MAST4: variants seen among roughly 807,000 people sequenced by gnomAD.
The protein encoded by MAST4 is microtubule-associated serine/threonine-protein kinase 4.
Under a neutral mutation model 162.7 loss-of-function variants are expected in MAST4, and 89 were observed. The observed-to-expected ratio is 0.55, with a 90% CI of 0.46 to 0.65. MAST4 has a LOEUF of 0.65. Ranked by LOEUF, MAST4 falls within the 30% of genes least tolerant of loss-of-function variation. The pLI is 0.00. For missense variants in MAST4, 3,153 were observed against 3,374.0 expected (o/e 0.93, Z 1.62); for synonymous variants, 1,479 against 1,361.1 (o/e 1.09, Z -1.91).
chr5:67,059,497 A>G (rs966095478), intron 5 of MAST4, among the ~76,000 whole-genome samples: 15 of 152,218 alleles, frequency 9.9e-5, no homozygotes, highest in Non-Finnish European at 2.1e-4. Context: ...TTTGATTTAA[A>G]TGAGTAAAAG....
chr5:67,149,051 A>G (rs1390190998), intron 23 of MAST4, among the ~76,000 whole-genome samples: 1 of 152,078 alleles, frequency 6.6e-6, no homozygotes, highest in Non-Finnish European at 1.5e-5. Context: ...TGGGGGGGGT[A>G]GGGGCACCAG....
At chr5:66,661,036 T>C (rs1228197829) in intron 1 of MAST4, among the ~76,000 whole-genome samples, 1 of 152,186 alleles carries the variant, frequency 6.6e-6, no homozygotes, top group Non-Finnish European at 1.5e-5. Context: ...TATGCTGAGT[T>C]AATAAGTTTT....
chr5:66,905,419 T>C (rs1398390372), intron 4 of MAST4, among the ~76,000 whole-genome samples: 1 of 152,146 alleles, frequency 6.6e-6, no homozygotes, highest in Non-Finnish European at 1.5e-5. Flanking sequence ...GCTGAGGGAT[T>C]GCTGAGAGCA....
intron 3 of MAST4, among the ~76,000 whole-genome samples, chr5:66,809,552 C>T (rs1756374254): frequency 6.6e-6 from 1 of 152,036 alleles, no homozygotes; most frequent in Non-Finnish European, 1.5e-5. Context: ...AAAGGTAGCC[C>T]ACAGGGTTGT....
At chr5:66,958,817 G>A (rs955716822) in intron 4 of MAST4, 3 of 164,256 alleles carry the variant, frequency 1.8e-5, no homozygotes, top group South Asian at 3.5e-4. Context: ...GGGAGGTGGG[G>A]AATAGTTGAC....
In MAST4 at chr5:66,906,842, G is replaced by A. The variant is rs188660636; in HGVS notation, c.674+6860G>A. Among the ~76,000 whole-genome samples the A allele has an allele frequency of 8.5e-5, 13 of 152,222 alleles. 1 individual carries two copies. The East Asian group carries it at 2.3e-3, about 27-fold the overall frequency. On this transcript the variant is annotated intron_variant, in intron 4 of 28. Transcript: ENST00000403625. ...CCACTTTCTAATTTTGCCTTTCTTG[G>A]TTAGGCACAGTAAAGGGTGTCCAGA... is the stretch of plus-strand genomic sequence containing the variant.
intron 3 of MAST4, among the ~76,000 whole-genome samples, chr5:66,824,731 C>T (rs1757160750): frequency 6.6e-6 from 1 of 152,204 alleles, no homozygotes; most frequent in Non-Finnish European, 1.5e-5. Flanking sequence ...TGTACTTACA[C>T]AAACCTAGAT....
chr5:66,660,226 T>C (rs1746814144), intron 1 of MAST4, among the ~76,000 whole-genome samples: 1 of 152,128 alleles, frequency 6.6e-6, no homozygotes, highest in Admixed American at 6.5e-5. Flanking sequence ...CCGTCTGTAC[T>C]GAAAATACAA....
intron 4 of MAST4, among the ~76,000 whole-genome samples, chr5:66,959,861 GT>G (rs563842060): frequency 7.9e-4 from 116 of 146,836 alleles, no homozygotes; most frequent in Middle Eastern, 3.6e-3. Flanking sequence ...TTGCTTAGCT[GT>G]TTTTTTTTTT....
chr5:67,123,534 T>G (rs573734436), intron 14 of MAST4, among the ~76,000 whole-genome samples: 6 of 152,170 alleles, frequency 3.9e-5, no homozygotes, highest in Non-Finnish European at 7.3e-5. Flanking sequence ...TCCACTCACA[T>G]GTAGGGAAGG....
At chr5:66,898,470 G>A (rs192640488) in intron 3 of MAST4, among the ~76,000 whole-genome samples, 1 of 141,724 alleles carries the variant, frequency 7.1e-6, no homozygotes, top group Non-Finnish European at 1.6e-5. Context: ...AAGGAAAACT[G>A]TCTTGGTCAG....
intron 3 of MAST4, among the ~76,000 whole-genome samples, chr5:66,881,350 A>G (rs992361513): frequency 6.6e-6 from 1 of 152,224 alleles, no homozygotes; most frequent in Non-Finnish European, 1.5e-5. Flanking sequence ...CATTATGGCT[A>G]TTAAGATTTC....
chr5:66,869,070 G>A (rs1760740167), intron 3 of MAST4, among the ~76,000 whole-genome samples: 1 of 152,136 alleles, frequency 6.6e-6, no homozygotes, highest in East Asian at 1.9e-4. Flanking sequence ...CGATGAGTAG[G>A]AGCCTGGCAC....
intron 3 of MAST4, among the ~76,000 whole-genome samples, chr5:66,856,888 G>A (rs1759724930): frequency 6.6e-6 from 1 of 152,228 alleles, no homozygotes; most frequent in Admixed American, 6.5e-5. Flanking sequence ...GTTGTGAAAT[G>A]CTGAATAACA....
At chr5:67,114,664 TA>T in intron 12 of MAST4, 1 of 175,824 alleles carries the variant, frequency 5.7e-6, no homozygotes. Flanking sequence ...TTAAATTGAG[TA>T]CAGTATTCAT....
At chr5:66,665,380 C>T (rs989218414) in intron 1 of MAST4, among the ~76,000 whole-genome samples, 5 of 152,136 alleles carry the variant, frequency 3.3e-5, no homozygotes, top group African/African-American at 9.7e-5. Flanking sequence ...ACAAGATGAA[C>T]ATTTCTTCAT....
At chr5:66,693,078 A>G (rs188932199) in intron 1 of MAST4, among the ~76,000 whole-genome samples, 432 of 151,600 alleles carry the variant, frequency 2.8e-3, no homozygotes, top group African/African-American at 9.3e-3. Context: ...ATTTTACAAG[A>G]TAGTTTTTAG....
intron 3 of MAST4, among the ~76,000 whole-genome samples, chr5:66,868,416 T>C (rs948226366): frequency 1.3e-5 from 2 of 151,618 alleles, no homozygotes; most frequent in Admixed American, 1.3e-4. Context: ...TGTGTGTATA[T>C]GTGTATATAT....
intron 1 of MAST4, among the ~76,000 whole-genome samples, chr5:66,661,080 T>G (rs1746876996): frequency 6.6e-6 from 1 of 152,190 alleles, no homozygotes; most frequent in Non-Finnish European, 1.5e-5. Flanking sequence ...CCTCTAGGCA[T>G]CCCTAGTGTC....
Sources: gnomAD v4.1 joint callset for allele counts (sites outside exome capture counted in the v4.1 genomes callset) on GRCh38, gnomAD v4.1.1 for gene constraint, MANE v1.5 for transcripts, NCBI Gene and HGNC (gene_info 2026-07-23, HGNC 2026-07-21) for gene names.